Variants in ACSS2 observed in about 807,000 individuals in gnomAD.
The protein encoded by ACSS2 is acetyl-coenzyme A synthetase, cytoplasmic.
Under a neutral mutation model 90.6 loss-of-function variants are expected in ACSS2, and 58 were observed. The observed-to-expected ratio is 0.64, with a 90% CI of 0.52 to 0.80. The LOEUF is 0.80. Among genes scored for constraint, ACSS2 ranks in the 30% least tolerant of loss-of-function variants. The pLI is 0.00. For missense variants in ACSS2, 759 were observed against 912.0 expected (o/e 0.83, Z 2.16); for synonymous variants, 300 against 330.9 (o/e 0.91, Z 1.01).
Position 34,923,429 on chromosome 20 carries a change from A to T in ACSS2, c.1655A>T (p.Asp552Val), listed in dbSNP as rs1201538340. The T allele has an allele frequency of 1.2e-6, 2 of 1,612,192 alleles. No individual in the cohort carries two copies. The highest frequency in any genetic ancestry group is 8.5e-7 in the Non-Finnish European group (1 of 1,178,310). ...TTTCCTGGATACTATGTTACAGGAGATGGTGAGCCTTAGCTATCCCCCTCT... is the reference window on the plus strand; with the variant it reads ...TTTCCTGGATACTATGTTACAGGAGTTGGTGAGCCTTAGCTATCCCCCTCT... Reference protein sequence around the residue: ...KKFPGYYVTGDGCQRDQDGYY... With the variant: ...KKFPGYYVTGVGCQRDQDGYY... The change falls in exon 14 of 18, where the codon GAT (aspartate) becomes GTT (valine). Residue 552 changes from aspartate (D) to valine (V), a missense_variant and splice_region_variant. Asp to Val is a radical substitution (Grantham distance 152). Transcript: ENST00000360596.
At chr20:34,909,167 G>A (rs1194575705) in intron 2 of ACSS2, among the ~76,000 whole-genome samples, 7 of 132,674 alleles carry the variant, frequency 5.3e-5, no homozygotes, top group African/African-American at 2.0e-4. Flanking sequence ...AGACTAGCCT[G>A]AGCAACATAG....
chr20:34,902,307 T>C (rs2080680643), intron 2 of ACSS2, among the ~76,000 whole-genome samples: 1 of 152,072 alleles, frequency 6.6e-6, no homozygotes, highest in African/African-American at 2.4e-5. Context: ...TAATATTAAT[T>C]CTATTAATAA....
At chr20:34,906,841 G>A (rs2080818283) in intron 2 of ACSS2, among the ~76,000 whole-genome samples, 1 of 151,764 alleles carries the variant, frequency 6.6e-6, no homozygotes, top group Non-Finnish European at 1.5e-5. Flanking sequence ...AAATTAGCCA[G>A]GTGTGATGGT....
chr20:34,916,607 G>A (rs1182835014), intron 7 of ACSS2, among the ~76,000 whole-genome samples: 1 of 152,112 alleles, frequency 6.6e-6, no homozygotes, highest in East Asian at 1.9e-4. Flanking sequence ...ATACCAAAGA[G>A]CATAAAAATA....
intron 2 of ACSS2, among the ~76,000 whole-genome samples, chr20:34,885,173 C>A (rs1284616728): frequency 6.6e-6 from 1 of 151,924 alleles, no homozygotes; most frequent in Non-Finnish European, 1.5e-5. Context: ...GTACTCCAGC[C>A]TGGGCAACAG....
Position 34,882,924 on chromosome 20 carries a change from C to G in ACSS2, c.309C>G (p.Ile103Met), listed in dbSNP as rs761646422. The G allele has an allele frequency of 6.2e-7, 1 of 1,613,864 alleles. No individual in the cohort carries two copies. Among genetic ancestry groups the G allele is most frequent in the Admixed American group, 1.7e-5 (1 of 59,990 alleles). ...IEWMKGATTN[I>M]CYNVLDRNVH... ...GGATGAAAGGAGCAACTACCAACAT[C>G]TGCTACAATGTACTGGATCGAAATG... Residue 103 changes from isoleucine (I) to methionine (M), a missense_variant, in exon 2 of 18, where the codon ATC (isoleucine) becomes ATG (methionine). Physicochemically the swap from Ile to Met is conservative, Grantham distance 10. Coordinates refer to ENST00000360596, the MANE Select transcript of ACSS2 (RefSeq NM_018677.4).
chr20:34,876,591 G>A, upstream of ACSS2: 1 of 1,293,408 alleles, frequency 7.7e-7, no homozygotes, highest in Non-Finnish European at 9.9e-7. Flanking sequence ...TGTTTTCTCA[G>A]TCCCGGCACC....
chr20:34,876,903 G>A (rs1044151866), intron 1 of ACSS2, 80 bp downstream of exon 1: 11 of 945,338 alleles, frequency 1.2e-5, no homozygotes, highest in Non-Finnish European at 1.5e-5. Context: ...GGGCTCCCTT[G>A]GGAAGCTGAG....
intron 15 of ACSS2, 143 bp downstream of exon 15, chr20:34,925,909 G>T (rs6120764): frequency 9.1e-7 from 1 of 1,094,986 alleles, no homozygotes; most frequent in Non-Finnish European, 1.3e-6. Context: ...CCAGGTTTTA[G>T]AGGAGTAATG....
At chr20:34,877,529 G>A (rs1298666698) in intron 1 of ACSS2, among the ~76,000 whole-genome samples, 1 of 151,966 alleles carries the variant, frequency 6.6e-6, no homozygotes, top group Non-Finnish European at 1.5e-5. Flanking sequence ...AATGTATGAG[G>A]AAAATCGGCC....
chr20:34,890,547 G>A (rs915086517), intron 2 of ACSS2, among the ~76,000 whole-genome samples: 2 of 152,024 alleles, frequency 1.3e-5, no homozygotes, highest in African/African-American at 4.8e-5. Context: ...TAAGGAGAGG[G>A]TGGAAAGAGT....
chr20:34,920,628 G>C lies in ACSS2; in HGVS notation c.1062G>C (p.Trp354Cys). The C allele has an allele frequency of 6.2e-7, 1 of 1,614,208 alleles. No individual in the cohort carries two copies. Among genetic ancestry groups the C allele is most frequent in the Non-Finnish European group, 8.5e-7 (1 of 1,180,034 alleles). Residue 354 changes from tryptophan (W) to cysteine (C), a missense_variant, in exon 9 of 18, where the codon TGG becomes TGC. Physicochemically the swap from Trp to Cys is radical, Grantham distance 215 (BLOSUM62 -2). Coordinates refer to ENST00000360596, the MANE Select transcript of ACSS2 (RefSeq NM_018677.4). ...ACTTCCATGCAGAGGATGTGTTCTG[G>C]TGCACGGCAGACATTGGTTGGATCA... ...VFDFHAEDVFWCTADIGWITG... is the reference protein window; with the variant it reads ...VFDFHAEDVFCCTADIGWITG...
intron 2 of ACSS2, among the ~76,000 whole-genome samples, chr20:34,910,438 G>T (rs2080924375): frequency 6.6e-6 from 1 of 152,180 alleles, no homozygotes; most frequent in South Asian, 2.1e-4. Context: ...TTGAGGCCAG[G>T]AGTTTGGAGA....
rs772705719 is a variant in ACSS2, at chr20:34,927,160, T to G, written c.2052T>G (p.Ala684=). The G allele has an allele frequency of 9.9e-6, 16 of 1,614,074 alleles. No individual in the cohort carries two copies. In the Admixed American group the frequency reaches 2.7e-4, roughly 27 times the overall value. Residue 684 remains alanine (A), a synonymous_variant, in exon 18 of 18, where the codon GCT becomes GCG. Transcript: ENST00000360596. This position sits in a 1 kb window ranked among gnomAD's most constrained non-coding sequence, Gnocchi z 4.2. ...ACCTCGGGGACATGTCTACTGTGGCTGACCCATCTGTCATCAGTCACCTCT... is the reference window on the plus strand; with the variant it reads ...ACCTCGGGGACATGTCTACTGTGGCGGACCCATCTGTCATCAGTCACCTCT... The part of the protein sequence containing the change: ...DHDLGDMSTV[A]DPSVISHLFS...
chr20:34,911,754 A>G (rs1276475119), intron 2 of ACSS2, among the ~76,000 whole-genome samples: 2 of 152,162 alleles, frequency 1.3e-5, no homozygotes, highest in African/African-American at 2.4e-5. Flanking sequence ...TACCCACACT[A>G]TCATTGGAAT....
chr20:34,882,979 G>A lies in ACSS2; in HGVS notation c.364G>A (p.Ala122Thr), dbSNP rs144026390. 1.2e-5 allele frequency: 20 copies of A among 1,601,752 alleles called. No homozygotes were observed. The African/African-American group carries it at 2.4e-4, about 19-fold the overall frequency. ...VHEKKLGDKVAFYWEGNEPGE... is the reference protein window; with the variant it reads ...VHEKKLGDKVTFYWEGNEPGE... Reference sequence around the variant, plus strand: ...TGAGAAAAAGCTTGGAGATAAAGTTGCTTTTTACTGGTAAAAATATCTATC... The same window carrying A: ...TGAGAAAAAGCTTGGAGATAAAGTTACTTTTTACTGGTAAAAATATCTATC... The change falls in exon 2 of 18, where the codon GCT (alanine) becomes ACT (threonine). Residue 122 changes from alanine to threonine, a missense_variant. Coordinates refer to ENST00000360596, the MANE Select transcript of ACSS2 (RefSeq NM_018677.4).
In ACSS2 at chr20:34,913,818, C is replaced by A. The variant is rs752445483; in HGVS notation, c.636C>A (p.Ile212=). Residue 212 remains isoleucine (I), a synonymous_variant, in exon 5 of 18, where the codon ATC becomes ATA. Transcript: ENST00000360596. ...RILDSSCSLL[I]TTDAFYRGEK... ...TGGATTCCAGCTGCAGTCTTCTCATCACTACAGGTGACTAATTCTCTCACC... is the reference window on the plus strand; with the variant it reads ...TGGATTCCAGCTGCAGTCTTCTCATAACTACAGGTGACTAATTCTCTCACC... 1 of 1,613,872 alleles carries A rather than the reference C, an allele frequency of 6.2e-7. No homozygotes were observed. Among genetic ancestry groups the A allele is most frequent in the Non-Finnish European group, 8.5e-7 (1 of 1,179,900 alleles).
intron 2 of ACSS2, among the ~76,000 whole-genome samples, chr20:34,883,299 G>C (rs2080110851): frequency 6.6e-6 from 1 of 152,164 alleles, no homozygotes; most frequent in Non-Finnish European, 1.5e-5. Flanking sequence ...AAGACAAATA[G>C]TATTGGGTTT....
intron 2 of ACSS2, among the ~76,000 whole-genome samples, chr20:34,908,112 G>A (rs1026891590): frequency 1.4e-4 from 22 of 152,310 alleles, no homozygotes; most frequent in Admixed American, 5.9e-4. Flanking sequence ...AGGAAGGAGA[G>A]GGGAAGCAAT....
Sources: allele counts gnomAD v4.1 joint callset (sites outside exome capture counted in the v4.1 genomes callset), GRCh38; gene constraint gnomAD v4.1.1; non-coding constraint Gnocchi (gnomAD v3.1); transcripts MANE v1.5; gene names NCBI Gene and HGNC (gene_info 2026-07-23, HGNC 2026-07-21).